GALNT14: variants seen among roughly 807,000 people sequenced by gnomAD.
GALNT14 encodes the protein polypeptide N-acetylgalactosaminyltransferase 14.
In GALNT14, 60 loss-of-function variants were observed where a neutral mutation model predicts 77.5. The ratio of observed to expected loss-of-function variants is 0.77; its 90% CI spans 0.63 to 0.96. The LOEUF (loss-of-function observed/expected upper bound fraction) is 0.96. Among genes scored for constraint, GALNT14 ranks in the 40% least tolerant of loss-of-function variants. The pLI is 0.00. For synonymous variants in GALNT14, 280 were observed against 281.7 expected (o/e 0.99, Z 0.06); for missense variants, 710 against 731.0 (o/e 0.97, Z 0.33).
At chr2:31,114,879 A>C (rs539935439) in intron 1 of GALNT14, 230 of 707,866 alleles carry the variant, frequency 3.2e-4, no homozygotes, top group Non-Finnish European at 5.4e-4. Flanking sequence ...CAGAGAGAAC[A>C]GGTAACTAAC....
chr2:30,956,326 T>C (rs1330529306), intron 4 of GALNT14, among the ~76,000 whole-genome samples: 1 of 152,238 alleles, frequency 6.6e-6, no homozygotes, highest in Non-Finnish European at 1.5e-5. Context: ...TTTTTCTCTT[T>C]AAACAATTTT....
chr2:30,892,982 A>G, the GALNT14 span, among the ~76,000 whole-genome samples: 5,771 of 152,360 alleles, frequency 0.038, 198 homozygotes, highest in South Asian at 0.13. Flanking sequence ...ACATTTTTCA[A>G]ATTCAAATGT....
At chr2:31,105,822 G>GA (rs1677527866) in intron 1 of GALNT14, among the ~76,000 whole-genome samples, 1 of 152,040 alleles carries the variant, frequency 6.6e-6, no homozygotes, top group Non-Finnish European at 1.5e-5. Context: ...AAGGAGTTAA[G>GA]AAAAAAATGT....
chr2:31,108,788 C>T (rs1372880444), intron 1 of GALNT14, among the ~76,000 whole-genome samples: 1 of 152,144 alleles, frequency 6.6e-6, no homozygotes, highest in African/African-American at 2.4e-5. Flanking sequence ...TAGCAGGCAC[C>T]CAGCATTCCT....
chr2:31,010,446 AAAAT>A (rs1425034661), intron 1 of GALNT14, among the ~76,000 whole-genome samples: 1 of 152,210 alleles, frequency 6.6e-6, no homozygotes, highest in Non-Finnish European at 1.5e-5. Context: ...AAAAATACAA[AAAAT>A]AAATAAATAA....
the GALNT14 span, among the ~76,000 whole-genome samples, chr2:30,887,394 T>A: frequency 6.6e-6 from 1 of 152,230 alleles, no homozygotes; most frequent in African/African-American, 2.4e-5. Flanking sequence ...TTTCTTTTTT[T>A]TAATTAATTT....
chr2:31,037,192 G>C (rs1476269987), intron 1 of GALNT14, among the ~76,000 whole-genome samples: 1 of 152,024 alleles, frequency 6.6e-6, no homozygotes, highest in African/African-American at 2.4e-5. Flanking sequence ...CTGTTCCTCA[G>C]ACTGGATAAT....
intron 1 of GALNT14, among the ~76,000 whole-genome samples, chr2:31,098,285 T>C (rs2148609200): frequency 6.6e-6 from 1 of 152,272 alleles, no homozygotes; most frequent in Admixed American, 6.5e-5. Context: ...GTTCTGCCTC[T>C]ATCCTTCATG....
chr2:30,978,551 G>A (rs180822313), intron 2 of GALNT14, among the ~76,000 whole-genome samples: 83 of 152,264 alleles, frequency 5.5e-4, no homozygotes, highest in Non-Finnish European at 1.1e-3. Flanking sequence ...TTGTGGCGCT[G>A]GATTTATGCG....
At chr2:31,082,675 A>G (rs1288176693) in intron 1 of GALNT14, among the ~76,000 whole-genome samples, 2 of 152,222 alleles carry the variant, frequency 1.3e-5, no homozygotes, top group African/African-American at 4.8e-5. Context: ...GAAAGTGCTC[A>G]ATGTTAGTTA....
At chr2:30,904,343 G>A in the GALNT14 span, among the ~76,000 whole-genome samples, 1 of 152,342 alleles carries the variant, frequency 6.6e-6, no homozygotes, top group East Asian at 1.9e-4. Flanking sequence ...GCGCAGGTCA[G>A]TGGCTGCGTG....
intron 1 of GALNT14, chr2:31,114,957 A>C (rs1678032559): frequency 1.6e-6 from 1 of 619,372 alleles, no homozygotes; most frequent in Admixed American, 2.8e-5. Context: ...ACAATGGAAA[A>C]CCATCCAGGC....
At chr2:30,949,807 G>C (rs1270313571) in intron 6 of GALNT14, among the ~76,000 whole-genome samples, 5 of 152,248 alleles carry the variant, frequency 3.3e-5, no homozygotes, top group African/African-American at 4.8e-5. Context: ...TCACAGTCTA[G>C]AGAAGGCGAG....
At chr2:30,902,820 G>A in the GALNT14 span, among the ~76,000 whole-genome samples, 2 of 152,136 alleles carry the variant, frequency 1.3e-5, no homozygotes, top group African/African-American at 2.4e-5. Context: ...CACTGAGGGC[G>A]ACAGAGGACA....
At chr2:31,068,907 C>T (rs774372612) in intron 1 of GALNT14, among the ~76,000 whole-genome samples, 5 of 152,130 alleles carry the variant, frequency 3.3e-5, no homozygotes, top group Non-Finnish European at 7.3e-5. Flanking sequence ...CAAGAGGCCA[C>T]GTATTGTATG....
the GALNT14 span, among the ~76,000 whole-genome samples, chr2:30,888,347 T>C: frequency 1.3e-5 from 2 of 152,212 alleles, no homozygotes; most frequent in East Asian, 3.9e-4. Flanking sequence ...TGCTGCCTAC[T>C]ACATGGGTGA....
chr2:30,922,065 C>G (rs1334144040), intron 13 of GALNT14, among the ~76,000 whole-genome samples: 4 of 152,130 alleles, frequency 2.6e-5, no homozygotes, highest in African/African-American at 9.7e-5. Flanking sequence ...GAAGCTGGAC[C>G]AGGCTGGAAC....
chr2:31,078,846 C>G lies in GALNT14; in HGVS notation c.129+59112G>C, dbSNP rs979926475. 8.5e-6 allele frequency: 10 copies of G among 1,178,608 alleles called. No individual in the cohort carries two copies. In the South Asian group the frequency reaches 9.1e-5, roughly 11 times the overall value. The allele number at this position is 1,178,608 out of a possible 1,614,324, so 73.0% of individuals were successfully genotyped here. A position where few individuals can be genotyped will look rare whatever the true frequency, so the allele number is the denominator to read the frequency against. On this transcript the variant is annotated intron_variant, in intron 1 of 14. Coordinates refer to ENST00000349752, the MANE Select transcript of GALNT14 (RefSeq NM_024572.4). ...GGGGCGAGATATAGGCCTGGGAGAACCCAGGCACAGGAGAGCAGGGGAAAG... is the reference window on the plus strand; with the variant it reads ...GGGGCGAGATATAGGCCTGGGAGAAGCCAGGCACAGGAGAGCAGGGGAAAG...
At chr2:31,133,000 C>G (rs555603225) in intron 1 of GALNT14, among the ~76,000 whole-genome samples, 2 of 152,232 alleles carry the variant, frequency 1.3e-5, no homozygotes, top group African/African-American at 4.8e-5. Context: ...TTGTGGCCCC[C>G]ACCCAGGAAC....
Sources: gnomAD v4.1 joint callset for allele counts (sites outside exome capture counted in the v4.1 genomes callset) on GRCh38, gnomAD v4.1.1 for gene constraint, MANE v1.5 for transcripts, NCBI Gene and HGNC (gene_info 2026-07-23, HGNC 2026-07-21) for gene names.